The following ADGRL1 variants were observed in gnomAD, a reference collection of about 807,000 sequenced individuals.
The protein encoded by ADGRL1 is CIRL-1.
ADGRL1 carries 31 observed loss-of-function variants against 148.9 expected under a neutral mutation model. The ratio of observed to expected loss-of-function variants is 0.21; its 90% CI spans 0.16 to 0.28. The LOEUF is 0.28. Among genes scored for constraint, ADGRL1 ranks in the 10% least tolerant of loss-of-function variants. The pLI is 1.00. For synonymous variants in ADGRL1, 937 were observed against 900.3 expected (o/e 1.04, Z -0.73); for missense variants, 1,521 against 2,058.8 (o/e 0.74, Z 5.05).
chr19:14,157,939 G>C lies in ADGRL1; in HGVS notation c.2478C>G (p.Thr826=). ...CRLVESNKTH[T]TCACSHLTNF... ...TGGTGAGGTGGCTGCAGGCACACGTGGTATGGGTCTTGTTGGACTCCACCA... is the reference window on the plus strand; with the variant it reads ...TGGTGAGGTGGCTGCAGGCACACGTCGTATGGGTCTTGTTGGACTCCACCA... The change falls in exon 13 of 23, where the codon ACC becomes ACG. Residue 826 remains threonine (T), a synonymous_variant. Coordinates refer to ENST00000361434, the MANE Select transcript of ADGRL1 (RefSeq NM_014921.5). This position sits in a 1 kb window ranked among gnomAD's most constrained non-coding sequence, Gnocchi z 7.5. 6.2e-7 allele frequency: 1 copy of C among 1,614,192 alleles called. No homozygotes were observed. Among genetic ancestry groups the C allele is most frequent in the Non-Finnish European group, 8.5e-7 (1 of 1,180,038 alleles).
chr19:14,172,440 C>T (rs1970537838), intron 3 of ADGRL1, among the ~76,000 whole-genome samples: 1 of 151,504 alleles, frequency 6.6e-6, no homozygotes. Context: ...CAAAAGAAAA[C>T]AAAAAATAGA....
At chr19:14,201,294 G>GTTTTT (rs748016498) in intron 1 of ADGRL1, among the ~76,000 whole-genome samples, 3 of 86,276 alleles carry the variant, frequency 3.5e-5, no homozygotes, top group African/African-American at 4.1e-5. Context: ...GCTATTCTGA[G>GTTTTT]TTTTTTTGTT....
intron 12 of ADGRL1, 66 bp downstream of exon 12, chr19:14,158,272 G>A (rs777780852): frequency 5.3e-6 from 8 of 1,516,814 alleles, no homozygotes; most frequent in Non-Finnish European, 7.3e-6. Flanking sequence ...GGAGGGGCAG[G>A]TACACAGCCT....
At chr19:14,166,581 AAAG>A (rs1969987134) in intron 4 of ADGRL1, among the ~76,000 whole-genome samples, 4 of 148,210 alleles carry the variant, frequency 2.7e-5, no homozygotes, top group Admixed American at 1.4e-4. Context: ...AGAGAGAGAG[AAAG>A]AGAGAGAGAG....
At chr19:14,154,374 C>G (rs753982088) in intron 18 of ADGRL1, among the ~76,000 whole-genome samples, 1 of 152,206 alleles carries the variant, frequency 6.6e-6, no homozygotes, top group African/African-American at 2.4e-5. Context: ...TCTACAAATG[C>G]CTCAGCTCCG....
rs572695334 is a variant in ADGRL1, at chr19:14,160,526, C to T, written c.1614+67G>A. On this transcript the variant is annotated intron_variant, in intron 7 of 22. Coordinates refer to ENST00000361434, the MANE Select transcript of ADGRL1 (RefSeq NM_014921.5). The surrounding 1 kb of genome is among the most constrained non-coding windows in gnomAD (Gnocchi z 5.9). Reference sequence around the variant, plus strand: ...CCATGTCTCCCCAGCTGCTCCACGACCCCCGCTGGGCCCTGGGCCCTGGGC... The same window carrying T: ...CCATGTCTCCCCAGCTGCTCCACGATCCCCGCTGGGCCCTGGGCCCTGGGC... 3.6e-4 allele frequency: 435 copies of T among 1,220,960 alleles called. No homozygotes were observed. The highest frequency in any genetic ancestry group is 4.5e-4 in the Non-Finnish European group (392 of 876,958). 75.6% of individuals were successfully genotyped at this position (1,220,960 alleles called of 1,614,324 possible). A position where few individuals can be genotyped will look rare whatever the true frequency, so the allele number is the denominator to read the frequency against.
Position 14,162,618 on chromosome 19 carries a change from C to T in ADGRL1, c.1183G>A (p.Asp395Asn), listed in dbSNP as rs766398518. The change falls in exon 5 of 23, where the codon GAC (aspartate) becomes AAC (asparagine). Residue 395 changes from aspartate (D) to asparagine (N), a missense_variant. Asp to Asn is a conservative substitution (Grantham distance 23). Around this residue, in one of 8 missense-constraint regions of ADGRL1, gnomAD observed 270 missense variants for 320.4 expected, o/e 0.84. Transcript: ENST00000361434. This position sits in a 1 kb window ranked among gnomAD's most constrained non-coding sequence, Gnocchi z 5.4. ...GAGTCGTCCTCACCAGCACTGGGGTCGGGCGGCCCGAACTCCAGGCTGTAG... is the reference window on the plus strand; with the variant it reads ...GAGTCGTCCTCACCAGCACTGGGGTTGGGCGGCCCGAACTCCAGGCTGTAG... The part of the protein sequence containing the change: ...VRYSLEFGPP[D>N]PSAGPATSPP... The T allele has an allele frequency of 1.1e-5, 18 of 1,605,242 alleles. No individual in the cohort carries two copies. The highest frequency in any genetic ancestry group is 1.7e-4 in the Middle Eastern group (1 of 6,060).
intron 3 of ADGRL1, among the ~76,000 whole-genome samples, chr19:14,172,923 A>AT (rs1568603144): frequency 6.6e-6 from 1 of 152,092 alleles, no homozygotes; most frequent in Admixed American, 6.5e-5. Context: ...AAAAATTATT[A>AT]TTGTTGTTGT....
At chr19:14,198,020 G>A (rs1972373765) in intron 1 of ADGRL1, among the ~76,000 whole-genome samples, 1 of 152,144 alleles carries the variant, frequency 6.6e-6, no homozygotes, top group African/African-American at 2.4e-5. Context: ...TTCGGCAGAG[G>A]TCTTGAGGAG....
chr19:14,181,430 G>A (rs1277784024), intron 2 of ADGRL1, among the ~76,000 whole-genome samples: 4 of 152,122 alleles, frequency 2.6e-5, no homozygotes, highest in South Asian at 2.1e-4. Context: ...GCTCAAGTTC[G>A]AACAGTGGCT....
At chr19:14,156,836 G>T (rs1968812902) in intron 15 of ADGRL1, 89 bp downstream of exon 15, 18 of 1,531,158 alleles carry the variant, frequency 1.2e-5, no homozygotes, top group Non-Finnish European at 1.5e-5. Flanking sequence ...GAGGAGGAAG[G>T]GACTACCGCC....
chr19:14,186,715 C>T (rs1390927035), intron 1 of ADGRL1, among the ~76,000 whole-genome samples: 2 of 152,178 alleles, frequency 1.3e-5, no homozygotes, highest in African/African-American at 2.4e-5. Flanking sequence ...GGTCTCAGTT[C>T]CTCACTAGAG....
chr19:14,172,487 C>A (rs1970542336), intron 3 of ADGRL1, among the ~76,000 whole-genome samples: 1 of 152,042 alleles, frequency 6.6e-6, no homozygotes, highest in Admixed American at 6.6e-5. Flanking sequence ...CACCTGTAAT[C>A]CCAGAACTTT....
chr19:14,157,856 G>C lies in ADGRL1; in HGVS notation c.2535+26C>G. Reference sequence around the variant, plus strand: ...CCAGGCCAGCAATCGGGCCTGCCTGGAGGAGCAGAGCACCAGCCAGCTTAC... The same window carrying C: ...CCAGGCCAGCAATCGGGCCTGCCTGCAGGAGCAGAGCACCAGCCAGCTTAC... On this transcript the variant is annotated intron_variant, in intron 13 of 22. Coordinates refer to ENST00000361434, the MANE Select transcript of ADGRL1 (RefSeq NM_014921.5). This position sits in a 1 kb window ranked among gnomAD's most constrained non-coding sequence, Gnocchi z 7.5. 5.0e-6 allele frequency: 8 copies of C among 1,612,064 alleles called. No homozygotes were observed. The highest frequency in any genetic ancestry group is 6.8e-6 in the Non-Finnish European group (8 of 1,179,140).
intron 1 of ADGRL1, among the ~76,000 whole-genome samples, chr19:14,185,621 T>C (rs1337785998): frequency 6.6e-6 from 1 of 152,176 alleles, no homozygotes; most frequent in Non-Finnish European, 1.5e-5. Flanking sequence ...AGGCAGGCCC[T>C]GAAGCGTGGG....
chr19:14,177,452 G>T, intron 3 of ADGRL1, 79 bp downstream of exon 3: 1 of 1,312,128 alleles, frequency 7.6e-7, no homozygotes, highest in Non-Finnish European at 1.1e-6. Context: ...AAAGATGTAA[G>T]GTGAACGGGT....
chr19:14,205,272 C>T (rs1308491811), intron 1 of ADGRL1, among the ~76,000 whole-genome samples: 6 of 152,000 alleles, frequency 3.9e-5, no homozygotes, highest in Middle Eastern at 6.3e-3. Flanking sequence ...GAGCTGTCCT[C>T]AAAGCACGAA....
intron 1 of ADGRL1, among the ~76,000 whole-genome samples, chr19:14,194,212 TG>T (rs1972118957): frequency 6.6e-6 from 1 of 152,186 alleles, no homozygotes. Context: ...ACCTCATCTC[TG>T]AAACATAAAC....
intron 3 of ADGRL1, among the ~76,000 whole-genome samples, chr19:14,174,967 G>C (rs528584332): frequency 6.6e-6 from 1 of 151,292 alleles, no homozygotes; most frequent in Non-Finnish European, 1.5e-5. Context: ...TCGGTCATCT[G>C]AGTAGCTGGG....
Sources: gnomAD v4.1 joint callset for allele counts (sites outside exome capture counted in the v4.1 genomes callset) on GRCh38, gnomAD v4.1.1 for gene constraint, gnomAD v4.1.1 regional missense constraint, Gnocchi (gnomAD v3.1) non-coding constraint, MANE v1.5 for transcripts, NCBI Gene and HGNC (gene_info 2026-07-23, HGNC 2026-07-21) for gene names.